BICD1: variants seen among roughly 807,000 people sequenced by gnomAD.
BICD1 encodes BICD cargo adaptor 1.
A neutral mutation model predicts 92.5 loss-of-function variants in BICD1; 35 were observed. That is an observed-to-expected ratio of 0.38 (90% CI 0.29 to 0.50). The LOEUF (loss-of-function observed/expected upper bound fraction) is 0.50. Among genes scored for constraint, BICD1 ranks in the 20% least tolerant of loss-of-function variants. BICD1 has a pLI of 0.93. For missense variants in BICD1, 950 were observed against 1,189.8 expected (o/e 0.80, Z 2.97); for synonymous variants, 429 against 465.1 (o/e 0.92, Z 1.00).
intron 8 of BICD1, chr12:32,353,086 C>G (rs1453854564): frequency 1.3e-5 from 2 of 151,954 alleles, no homozygotes; most frequent in African/African-American, 4.8e-5. Context: ...TACTTGACAT[C>G]AAAAGCAAAA....
At chr12:32,269,859 G>T (rs1334729551) in intron 2 of BICD1, among the ~76,000 whole-genome samples, 1 of 152,058 alleles carries the variant, frequency 6.6e-6, no homozygotes, top group East Asian at 1.9e-4. Context: ...GCTGAGCAGG[G>T]TGGCTCACGC....
intron 8 of BICD1, among the ~76,000 whole-genome samples, chr12:32,365,761 T>C (rs1037712731): frequency 1.3e-5 from 2 of 152,230 alleles, no homozygotes; most frequent in African/African-American, 4.8e-5. Context: ...AGGAAAGCTG[T>C]TGGAGAAGAC....
chr12:32,225,414 A>C (rs557480999), intron 2 of BICD1, among the ~76,000 whole-genome samples: 14 of 152,268 alleles, frequency 9.2e-5, no homozygotes, highest in Non-Finnish European at 1.8e-4. Context: ...GAGCTTCTAT[A>C]AGCATTCATG....
intron 2 of BICD1, among the ~76,000 whole-genome samples, chr12:32,278,279 T>C (rs891155921): frequency 6.6e-6 from 1 of 152,204 alleles, no homozygotes; most frequent in Non-Finnish European, 1.5e-5. Context: ...ATATTCATAG[T>C]TATAAGAAGA....
chr12:32,332,474 G>A (rs1371657926), intron 5 of BICD1: 1 of 978,186 alleles, frequency 1.0e-6, no homozygotes, highest in Non-Finnish European at 1.2e-6. Flanking sequence ...TTCTGATGAA[G>A]TCAGTAAATG....
chr12:32,262,185 A>T (rs940418594), intron 2 of BICD1, among the ~76,000 whole-genome samples: 1 of 152,044 alleles, frequency 6.6e-6, no homozygotes, highest in African/African-American at 2.4e-5. Flanking sequence ...CTGTCTTCAA[A>T]CCCTCCCCAT....
rs1940120122 is a variant in BICD1, at chr12:32,379,766, A to G, written c.*2139A>G. 6.6e-6 allele frequency: 1 copy of G among 152,206 alleles called. No individual in the cohort carries two copies. Among genetic ancestry groups the G allele is most frequent in the Non-Finnish European group, 1.5e-5 (1 of 68,038 alleles). The allele number at this position is 152,206 out of a possible 1,614,324, so 9.4% of individuals were successfully genotyped here. On this transcript the variant is annotated 3_prime_UTR_variant, in exon 10 of 10. Transcript: ENST00000652176. ...AACTGTTTGTGCCTGAGGGAAATATATGCCTTTTTAAAAAGTACCTCAGAA... is the reference window on the plus strand; with the variant it reads ...AACTGTTTGTGCCTGAGGGAAATATGTGCCTTTTTAAAAAGTACCTCAGAA...
At chr12:32,334,713 A>T in intron 6 of BICD1, 46 bp downstream of exon 6, 3 of 1,567,908 alleles carry the variant, frequency 1.9e-6, no homozygotes, top group Non-Finnish European at 2.6e-6. Context: ...GGTGGGGTAA[A>T]GGCTTTAAAA....
At chr12:32,285,453 C>A (rs1225203523) in intron 2 of BICD1, among the ~76,000 whole-genome samples, 1 of 152,042 alleles carries the variant, frequency 6.6e-6, no homozygotes, top group Non-Finnish European at 1.5e-5. Context: ...TTATAAAAGA[C>A]TAAGAGCATT....
chr12:32,171,988 C>CACACACACACACATATAT (rs1555141634), intron 1 of BICD1, among the ~76,000 whole-genome samples: 31 of 132,536 alleles, frequency 2.3e-4, no homozygotes, highest in Middle Eastern at 3.8e-3. Context: ...CACACACACA[C>CACACACACACACATATAT]ACTAAAACTG....
chr12:32,376,164 A>G (rs1040364133), intron 9 of BICD1, among the ~76,000 whole-genome samples: 1 of 151,074 alleles, frequency 6.6e-6, no homozygotes, highest in Non-Finnish European at 1.5e-5. Flanking sequence ...GCTCGCTGCA[A>G]CCTCTGCCTC....
At chr12:32,234,352 C>A (rs1017489621) in intron 2 of BICD1, among the ~76,000 whole-genome samples, 2 of 151,822 alleles carry the variant, frequency 1.3e-5, no homozygotes, top group African/African-American at 4.8e-5. Flanking sequence ...AATCCCAGCA[C>A]TTTGGGAGGC....
intron 1 of BICD1, among the ~76,000 whole-genome samples, chr12:32,193,869 C>T (rs1460531958): frequency 6.6e-6 from 1 of 152,112 alleles, no homozygotes; most frequent in Non-Finnish European, 1.5e-5. Flanking sequence ...GCCAGCAACA[C>T]CCTCATACCA....
intron 2 of BICD1, among the ~76,000 whole-genome samples, chr12:32,220,397 G>GA: frequency 6.6e-6 from 1 of 152,054 alleles, no homozygotes; most frequent in Non-Finnish European, 1.5e-5. Flanking sequence ...AAATTTACAA[G>GA]AAAAAAACCA....
At chr12:32,348,342 T>C (rs912518810) in intron 8 of BICD1, among the ~76,000 whole-genome samples, 1 of 152,196 alleles carries the variant, frequency 6.6e-6, no homozygotes, top group African/African-American at 2.4e-5. Flanking sequence ...TTTAGTACCA[T>C]TATGTAATTT....
At chr12:32,157,128 T>C (rs1176151134) in intron 1 of BICD1, among the ~76,000 whole-genome samples, 2 of 152,220 alleles carry the variant, frequency 1.3e-5, no homozygotes, top group East Asian at 3.8e-4. Context: ...AATTGGATGT[T>C]AATGGTACAA....
chr12:32,247,236 C>CAA (rs200029154), intron 2 of BICD1, among the ~76,000 whole-genome samples: 4,154 of 135,082 alleles, frequency 0.031, 219 homozygotes, highest in African/African-American at 0.097. Context: ...GACCCTGTAT[C>CAA]AAAAAAAAAA....
chr12:32,203,494 A>C (rs573328918), intron 1 of BICD1, among the ~76,000 whole-genome samples: 59 of 152,258 alleles, frequency 3.9e-4, no homozygotes, highest in African/African-American at 1.4e-3. Context: ...CCTATGGTCT[A>C]AGAAGAATGT....
intron 1 of BICD1, among the ~76,000 whole-genome samples, chr12:32,199,490 G>A (rs1227986323): frequency 2.0e-5 from 3 of 152,192 alleles, no homozygotes; most frequent in African/African-American, 7.2e-5. Flanking sequence ...ATGAACTGGG[G>A]AGGAAGAGTT....
Sources: gnomAD v4.1 joint callset for allele counts (sites outside exome capture counted in the v4.1 genomes callset) on GRCh38, gnomAD v4.1.1 for gene constraint, MANE v1.5 for transcripts, NCBI Gene and HGNC (gene_info 2026-07-23, HGNC 2026-07-21) for gene names.